CSNK2A1: variants seen among roughly 807,000 people sequenced by gnomAD.
CSNK2A1 encodes casein kinase II subunit alpha.
Under a neutral mutation model 62.9 loss-of-function variants are expected in CSNK2A1, and 10 were observed. The ratio of observed to expected loss-of-function variants is 0.16; its 90% CI spans 0.10 to 0.27. CSNK2A1 has a LOEUF of 0.27. Ranked by LOEUF, CSNK2A1 falls within the 10% of genes least tolerant of loss-of-function variation. The pLI, the probability that CSNK2A1 is intolerant of heterozygous loss-of-function variation, is 1.00. For missense variants in CSNK2A1, 160 were observed against 492.0 expected (o/e 0.33, Z 6.38); for synonymous variants, 124 against 167.8 (o/e 0.74, Z 2.02).
intron 1 of CSNK2A1, among the ~76,000 whole-genome samples, chr20:542,308 C>T (rs2019466908): frequency 6.6e-6 from 1 of 152,250 alleles, no homozygotes; most frequent in Non-Finnish European, 1.5e-5. Context: ...GTTTAGGTCA[C>T]ACAGCTAAGT....
rs1407939963 is a variant in CSNK2A1, at chr20:473,034, G to C, written c.*10927C>G. ...AAAAAGTAAATAAAAAAAAGAGTTGGGCTAGGTTTGAGGTTTATTGTTGCT... is the reference window on the plus strand; with the variant it reads ...AAAAAGTAAATAAAAAAAAGAGTTGCGCTAGGTTTGAGGTTTATTGTTGCT... On this transcript the variant is annotated 3_prime_UTR_variant, in exon 14 of 14. Transcript: ENST00000217244. 1 of 152,284 alleles carries C rather than the reference G, an allele frequency of 6.6e-6. No homozygotes were observed. Among genetic ancestry groups the C allele is most frequent in the East Asian group, 1.9e-4 (1 of 5,200 alleles). 9.4% of individuals were successfully genotyped at this position (152,284 alleles called of 1,614,324 possible). A position where few individuals can be genotyped will look rare whatever the true frequency, so the allele number is the denominator to read the frequency against.
chr20:507,586 T>C (rs1184818541), intron 3 of CSNK2A1: 1 of 152,198 alleles, frequency 6.6e-6, no homozygotes, highest in Non-Finnish European at 1.5e-5. Context: ...CTGTTCAAGA[T>C]AGAATTTGGG....
chr20:503,280 G>A (rs537508748), intron 4 of CSNK2A1: 2 of 386,782 alleles, frequency 5.2e-6, no homozygotes, highest in Non-Finnish European at 9.1e-6. Flanking sequence ...GAGGACCTGC[G>A]ACTAAAGGCA....
chr20:493,279 A>G (rs564323138), intron 8 of CSNK2A1, among the ~76,000 whole-genome samples: 68 of 152,208 alleles, frequency 4.5e-4, no homozygotes, highest in African/African-American at 1.6e-3. Flanking sequence ...CATCACCTCC[A>G]CTGCCACTGC....
intron 1 of CSNK2A1, among the ~76,000 whole-genome samples, chr20:531,184 A>C (rs2019204905): frequency 6.6e-6 from 1 of 152,206 alleles, no homozygotes; most frequent in Admixed American, 6.5e-5. Context: ...AAAAAATTTA[A>C]CTTTCTATTT....
chr20:488,287 G>A (rs2056565656), intron 11 of CSNK2A1: 1 of 187,288 alleles, frequency 5.3e-6, no homozygotes, highest in Admixed American at 6.0e-5. Context: ...TTACAGATAT[G>A]AGCCACCGTG....
At chr20:522,672 C>T (rs1205091595) in intron 2 of CSNK2A1, among the ~76,000 whole-genome samples, 6 of 150,412 alleles carry the variant, frequency 4.0e-5, no homozygotes, top group African/African-American at 1.2e-4. Context: ...AGTATTATAC[C>T]GATGTTAATT....
At chr20:515,038 T>C (rs1004413872) in intron 2 of CSNK2A1, among the ~76,000 whole-genome samples, 1 of 152,172 alleles carries the variant, frequency 6.6e-6, no homozygotes, top group African/African-American at 2.4e-5. Context: ...CATTGAAAAG[T>C]TTTAAGCAGA....
intron 4 of CSNK2A1, chr20:501,009 G>C (rs1345222064): frequency 6.6e-6 from 1 of 151,088 alleles, no homozygotes; most frequent in Non-Finnish European, 1.5e-5. Context: ...TTCTAGTATG[G>C]AATCCTTTTC....
At chr20:535,084 G>C (rs1487644079) in intron 1 of CSNK2A1, among the ~76,000 whole-genome samples, 2 of 149,734 alleles carry the variant, frequency 1.3e-5, no homozygotes, top group Non-Finnish European at 3.0e-5. Flanking sequence ...GGACCAGTGT[G>C]GTGGCTCATG....
At chr20:496,062 C>G (rs1301722248) in intron 7 of CSNK2A1, 6 of 387,600 alleles carry the variant, frequency 1.5e-5, no homozygotes, top group Non-Finnish European at 2.4e-5. Context: ...AAAGTATACC[C>G]AAATTGCACC....
In CSNK2A1 at chr20:478,226, T is replaced by C. The variant is rs976066406; in HGVS notation, c.*5735A>G. 2 of 153,152 alleles carry C rather than the reference T, an allele frequency of 1.3e-5. No individual in the cohort carries two copies. Among genetic ancestry groups the C allele is most frequent in the African/African-American group, 4.8e-5 (2 of 41,350 alleles). The allele number at this position is 153,152 out of a possible 1,614,324, so 9.5% of individuals were successfully genotyped here. ...CTTTGGAAAGACCAGTCAGCGTGGG[T>C]GGGTGAGGAATGCCAGAGACGGGAG... On this transcript the variant is annotated 3_prime_UTR_variant, in exon 14 of 14. Transcript: ENST00000217244.
At chr20:485,179 G>A (rs1463872056) in intron 13 of CSNK2A1, among the ~76,000 whole-genome samples, 6 of 125,934 alleles carry the variant, frequency 4.8e-5, no homozygotes, top group African/African-American at 1.8e-4. Flanking sequence ...TCTTAGACAT[G>A]GCTCTGCATC....
At chr20:518,708 G>C (rs1198722150) in intron 2 of CSNK2A1, among the ~76,000 whole-genome samples, 1 of 93,950 alleles carries the variant, frequency 1.1e-5, no homozygotes, top group Non-Finnish European at 2.1e-5. Context: ...CACCACGCCC[G>C]GCTAATTTTT....
At position 522,965 on chromosome 20, in the gene CSNK2A1, C is replaced by T. The variant is rs6139448; in HGVS notation, c.-110+4968G>A. On this transcript the variant is annotated intron_variant, in intron 2 of 13. Transcript: ENST00000217244. ...TTACTGGGATAACAGGTGTGAGCCA[C>T]CATGACTGGCCCAGTTTCTTAGTGT... Among the ~76,000 whole-genome samples the T allele has an allele frequency of 2.9e-4, 44 of 152,272 alleles. No homozygotes were observed. In the East Asian group the frequency reaches 8.5e-3, roughly 29 times the overall value.
At chr20:531,278 C>T (rs2019207327) in intron 1 of CSNK2A1, among the ~76,000 whole-genome samples, 1 of 152,122 alleles carries the variant, frequency 6.6e-6, no homozygotes, top group Admixed American at 6.6e-5. Context: ...CTGACAAAAA[C>T]CTGCTGGATA....
At chr20:502,722 T>C (rs1370455769) in intron 4 of CSNK2A1, 1 of 152,258 alleles carries the variant, frequency 6.6e-6, no homozygotes, top group Non-Finnish European at 1.5e-5. Context: ...GATAGTCATA[T>C]AATTTTAAGA....
intron 1 of CSNK2A1, among the ~76,000 whole-genome samples, chr20:536,629 C>T (rs770603250): frequency 7.9e-5 from 12 of 152,198 alleles, no homozygotes; most frequent in African/African-American, 2.7e-4. Context: ...CCCCTCCCTA[C>T]CCGCAATCTC....
At chr20:491,132 A>G (rs1479334148) in intron 9 of CSNK2A1, among the ~76,000 whole-genome samples, 1 of 152,214 alleles carries the variant, frequency 6.6e-6, no homozygotes, top group Non-Finnish European at 1.5e-5. Flanking sequence ...ACAAGAACAA[A>G]AAGTCTGAAA....
Sources: allele counts gnomAD v4.1 joint callset (sites outside exome capture counted in the v4.1 genomes callset), GRCh38; gene constraint gnomAD v4.1.1; transcripts MANE v1.5; gene names NCBI Gene and HGNC (gene_info 2026-07-23, HGNC 2026-07-21).